Variants in DPP6 observed in about 807,000 individuals in gnomAD.
DPP6 encodes the protein dipeptidyl peptidase like 6.
A neutral mutation model predicts 122.6 loss-of-function variants in DPP6; 69 were observed. The ratio of observed to expected loss-of-function variants is 0.56; its 90% confidence interval spans 0.46 to 0.69. DPP6 has a LOEUF of 0.69. DPP6 is among the 30% of genes least tolerant of loss of function. The pLI is 0.00. For synonymous variants in DPP6, 418 were observed against 433.1 expected (o/e 0.97, Z 0.43); for missense variants, 928 against 1,116.9 (o/e 0.83, Z 2.41).
the DPP6 span, among the ~76,000 whole-genome samples, chr7:153,826,200 G>C: frequency 6.6e-6 from 1 of 152,266 alleles, no homozygotes; most frequent in Middle Eastern, 3.4e-3. Context: ...TGTGGGATTG[G>C]AGTAGATGGG....
At chr7:154,811,761 C>T (rs536628646) in intron 16 of DPP6, among the ~76,000 whole-genome samples, 3 of 152,236 alleles carry the variant, frequency 2.0e-5, no homozygotes, top group African/African-American at 7.2e-5. Flanking sequence ...TTAGTCAATG[C>T]TCATGTCCTG....
chr7:154,469,490 A>G (rs1822075195), intron 2 of DPP6, among the ~76,000 whole-genome samples: 1 of 152,162 alleles, frequency 6.6e-6, no homozygotes, highest in Non-Finnish European at 1.5e-5. Flanking sequence ...AGATGTTACC[A>G]TCTCAGCTCT....
chr7:154,439,729 AAC>A (rs1461842293), intron 1 of DPP6, among the ~76,000 whole-genome samples: 12 of 152,212 alleles, frequency 7.9e-5, no homozygotes, highest in Non-Finnish European at 1.5e-4. Flanking sequence ...TAATTCTGAA[AAC>A]ACAGTTTTGC....
intron 5 of DPP6, among the ~76,000 whole-genome samples, chr7:154,597,938 A>G (rs181586442): frequency 6.6e-6 from 1 of 152,194 alleles, no homozygotes; most frequent in Non-Finnish European, 1.5e-5. Context: ...TTACACCGAC[A>G]CCAGTCATTT....
In DPP6 at chr7:153,972,943, A is replaced by G. The variant is rs376809802; in HGVS notation, c.51+85209A>G. Among the ~76,000 whole-genome samples the G allele has an allele frequency of 1.2e-4, 18 of 152,092 alleles. No individual in the cohort carries two copies. In the East Asian group the frequency reaches 2.9e-3, roughly 25 times the overall value. ...TAAAAAGAGGGAGGACTATAAATCT[A>G]CTTAGTATGTTTTATGTCTTAATAA... is the stretch of plus-strand genomic sequence containing the variant. On this transcript the variant is annotated intron_variant, in intron 1 of 25. Coordinates refer to the DPP6 transcript ENST00000404039.
chr7:154,762,472 G>A (rs1795619346), intron 8 of DPP6, among the ~76,000 whole-genome samples: 1 of 152,224 alleles, frequency 6.6e-6, no homozygotes, highest in South Asian at 2.1e-4. Context: ...GAGGCATCTT[G>A]GGAAGAGGCT....
intron 1 of DPP6, among the ~76,000 whole-genome samples, chr7:154,385,665 C>G (rs1276957453): frequency 1.3e-5 from 2 of 152,138 alleles, no homozygotes; most frequent in Non-Finnish European, 2.9e-5. Context: ...ATGTACCTGC[C>G]CAGCTGGGAT....
At chr7:154,559,665 C>T (rs907293026) in intron 4 of DPP6, among the ~76,000 whole-genome samples, 4 of 151,994 alleles carry the variant, frequency 2.6e-5, no homozygotes, top group South Asian at 2.1e-4. Context: ...AGAGGTGCTG[C>T]GAGCCAGAGG....
At chr7:154,089,988 G>A (rs1040419661) in intron 1 of DPP6, among the ~76,000 whole-genome samples, 6 of 152,220 alleles carry the variant, frequency 3.9e-5, no homozygotes, top group African/African-American at 1.4e-4. Flanking sequence ...AGTGAGACCA[G>A]ACTGTTTTGT....
intron 5 of DPP6, among the ~76,000 whole-genome samples, chr7:154,608,147 T>G (rs1389444595): frequency 1.4e-5 from 2 of 147,982 alleles, no homozygotes; most frequent in Non-Finnish European, 3.0e-5. Context: ...ACCTGGCTAA[T>G]TTTTTGTATT....
chr7:154,030,815 C>T lies in DPP6; in HGVS notation c.51+143081C>T, dbSNP rs547873583. 2.0e-5 allele frequency among the ~76,000 whole-genome samples: 3 copies of T among 152,270 alleles called. No individual in the cohort carries two copies. The East Asian group carries it at 5.8e-4, about 29-fold the overall frequency. On this transcript the variant is annotated intron_variant, in intron 1 of 25. Transcript: ENST00000404039. Reference sequence around the variant, plus strand: ...CCACTCACACAGCCTGATCTGCTGCCAACATCTACCCCTTCTGGAAGCAGC... The same window carrying T: ...CCACTCACACAGCCTGATCTGCTGCTAACATCTACCCCTTCTGGAAGCAGC...
intron 2 of DPP6, among the ~76,000 whole-genome samples, chr7:154,458,033 A>C (rs1453792144): frequency 6.6e-6 from 1 of 152,200 alleles, no homozygotes; most frequent in Non-Finnish European, 1.5e-5. Context: ...AGGAAATGGC[A>C]AAGTGACCAC....
At chr7:154,379,516 T>A (rs549840923) in intron 1 of DPP6, among the ~76,000 whole-genome samples, 14 of 152,150 alleles carry the variant, frequency 9.2e-5, no homozygotes, top group East Asian at 3.9e-4. Flanking sequence ...AATAATTTTT[T>A]AAAAAAAGAA....
At chr7:154,748,923 C>T (rs1475398401) in intron 8 of DPP6, among the ~76,000 whole-genome samples, 1 of 152,150 alleles carries the variant, frequency 6.6e-6, no homozygotes, top group African/African-American at 2.4e-5. Context: ...AACTTAAGAG[C>T]GCGACCCATT....
intron 1 of DPP6, among the ~76,000 whole-genome samples, chr7:154,395,040 A>G (rs1228561138): frequency 6.6e-6 from 1 of 152,196 alleles, no homozygotes; most frequent in Admixed American, 6.5e-5. Flanking sequence ...CCTCTAAACA[A>G]CAGACATTTA....
intron 2 of DPP6, among the ~76,000 whole-genome samples, chr7:154,468,133 G>A (rs1318606313): frequency 6.6e-6 from 1 of 152,228 alleles, no homozygotes; most frequent in Admixed American, 6.5e-5. Flanking sequence ...AAGGAATGAA[G>A]TAGTGGTACA....
chr7:154,422,307 T>C (rs1400220925), intron 1 of DPP6, among the ~76,000 whole-genome samples: 1 of 152,146 alleles, frequency 6.6e-6, no homozygotes, highest in Non-Finnish European at 1.5e-5. Context: ...GCAAAAAGGA[T>C]CTGCAGGGAC....
chr7:153,951,529 C>T (rs1256174096), intron 1 of DPP6, among the ~76,000 whole-genome samples: 1 of 152,190 alleles, frequency 6.6e-6, no homozygotes. Flanking sequence ...GTCGGGGACT[C>T]TGTCTCAGTC....
rs1019220774 is a variant in DPP6, at chr7:154,223,581, C to T, written c.243+170518C>T. ...GAGGCTCTGAGATCAAATTGAAATC[C>T]GAAGGATGAGTAGAAGATGAAGAAT... On this transcript the variant is annotated intron_variant, in intron 1 of 25. Coordinates refer to ENST00000377770, the MANE Select transcript of DPP6 (RefSeq NM_130797.4). Among the ~76,000 whole-genome samples, 8 of 149,052 alleles carry T rather than the reference C, an allele frequency of 5.4e-5. 1 individual carries two copies. The highest frequency in any genetic ancestry group is 1.0e-4 in the African/African-American group (4 of 39,030).
Sources: gnomAD v4.1 joint callset for allele counts (sites outside exome capture counted in the v4.1 genomes callset) on GRCh38, gnomAD v4.1.1 for gene constraint, MANE v1.5 for transcripts, NCBI Gene and HGNC (gene_info 2026-07-23, HGNC 2026-07-21) for gene names.